Variants in CEP112 observed in about 807,000 individuals in gnomAD.
CEP112 encodes the protein centrosomal protein of 112 kDa.
Under a neutral mutation model 153.0 loss-of-function variants are expected in CEP112, and 127 were observed. The ratio of observed to expected loss-of-function variants is 0.83; its 90% CI spans 0.72 to 0.96. CEP112 has a LOEUF of 0.96. Among genes scored for constraint, CEP112 ranks in the 40% least tolerant of loss-of-function variants. The probability of loss-of-function intolerance (pLI) is 0.00; values close to 1 mark genes in which losing one functional copy is unlikely to be tolerated. For synonymous variants in CEP112, 358 were observed against 374.4 expected, an observed-to-expected ratio of 0.96 and a Z score of 0.51; for missense variants, 1,089 against 1,101.2, an observed-to-expected ratio of 0.99 and a Z score of 0.16.
At chr17:66,090,183 T>C (rs1000578097) in intron 8 of CEP112, among the ~76,000 whole-genome samples, 9 of 152,110 alleles carry the variant, frequency 5.9e-5, no homozygotes, top group African/African-American at 1.9e-4. Flanking sequence ...AATGCTCAAG[T>C]GAAATCTTGA....
At chr17:65,746,165 C>CAAAAAAAAAAAAAAAAAAAAAAAAAAA (rs56361589) in intron 22 of CEP112, among the ~76,000 whole-genome samples, 1 of 49,478 alleles carries the variant, frequency 2.0e-5, no homozygotes, top group African/African-American at 9.0e-5. Flanking sequence ...AACTCCATCT[C>CAAAAAAAAAAAAAAAAAAAAAAAAAAA]AAAAAAAAAA....
chr17:66,069,385 T>A (rs1009946997), intron 9 of CEP112, among the ~76,000 whole-genome samples: 2 of 151,550 alleles, frequency 1.3e-5, no homozygotes, highest in Non-Finnish European at 2.9e-5. Context: ...GAAAAAAAAA[T>A]AAGTTTTATT....
intron 21 of CEP112, among the ~76,000 whole-genome samples, chr17:65,793,291 C>A (rs748714697): frequency 6.6e-6 from 1 of 152,060 alleles, no homozygotes; most frequent in Admixed American, 6.5e-5. Context: ...ATGATGAGAA[C>A]ACATGGACCC....
chr17:66,172,331 G>A (rs965855085), intron 4 of CEP112, among the ~76,000 whole-genome samples: 2 of 152,128 alleles, frequency 1.3e-5, no homozygotes, highest in Non-Finnish European at 2.9e-5. Context: ...AGTACTAAAG[G>A]AGTAAATGGC....
At chr17:66,074,373 C>T (rs1432270919) in intron 8 of CEP112, among the ~76,000 whole-genome samples, 1 of 151,960 alleles carries the variant, frequency 6.6e-6, no homozygotes, top group Non-Finnish European at 1.5e-5. Flanking sequence ...GTCTAATATA[C>T]ATGTAATTGG....
intron 6 of CEP112, among the ~76,000 whole-genome samples, chr17:66,113,814 T>C (rs959452329): frequency 2.6e-5 from 4 of 152,218 alleles, no homozygotes; most frequent in African/African-American, 9.6e-5. Context: ...GAATTATTCA[T>C]GGTAAAGCAT....
chr17:65,851,328 A>G (rs1031958714), intron 21 of CEP112, among the ~76,000 whole-genome samples: 7 of 152,240 alleles, frequency 4.6e-5, no homozygotes, highest in African/African-American at 1.7e-4. Context: ...TACTTCTAAA[A>G]AGACTTTTCT....
At chr17:66,105,037 G>A (rs1321048798) in intron 6 of CEP112, among the ~76,000 whole-genome samples, 1 of 152,096 alleles carries the variant, frequency 6.6e-6, no homozygotes, top group Non-Finnish European at 1.5e-5. Flanking sequence ...ACTCATATCT[G>A]AAGTAGAAAC....
At chr17:66,016,450 A>T (rs138261182) in intron 16 of CEP112, among the ~76,000 whole-genome samples, 40 of 152,238 alleles carry the variant, frequency 2.6e-4, no homozygotes, top group Admixed American at 9.2e-4. Context: ...GCTAAAACCA[A>T]TTCCCAGGAG....
At chr17:66,159,545 C>A (rs948682447) in intron 4 of CEP112, among the ~76,000 whole-genome samples, 5 of 152,188 alleles carry the variant, frequency 3.3e-5, no homozygotes, top group Admixed American at 6.5e-5. Context: ...GCTGGTTCAA[C>A]ATATGCAAAT....
intron 24 of CEP112, chr17:65,655,259 G>A: frequency 9.6e-7 from 1 of 1,044,534 alleles, no homozygotes; most frequent in Non-Finnish European, 1.5e-6. Context: ...GTGATCTATG[G>A]TGCAGACTGC....
At chr17:65,716,776 G>A (rs2049548950) in intron 23 of CEP112, among the ~76,000 whole-genome samples, 2 of 151,974 alleles carry the variant, frequency 1.3e-5, no homozygotes, top group South Asian at 2.1e-4. Context: ...ATGAAAATGA[G>A]AAAAGGAACC....
At chr17:65,902,444 T>C (rs1384085111) in intron 19 of CEP112, 110 bp from the exon 20 acceptor site, 10 of 797,462 alleles carry the variant, frequency 1.3e-5, no homozygotes, top group Non-Finnish European at 1.8e-5. Flanking sequence ...AATTTTTATT[T>C]TTACATCATT....
chr17:65,981,798 C>A (rs574261103), intron 17 of CEP112, among the ~76,000 whole-genome samples: 12 of 152,310 alleles, frequency 7.9e-5, no homozygotes, highest in African/African-American at 2.9e-4. Context: ...TGGTCTCGAA[C>A]TCCTGACCTC....
chr17:65,979,702 G>A (rs185715856), intron 17 of CEP112, among the ~76,000 whole-genome samples: 92 of 152,114 alleles, frequency 6.0e-4, no homozygotes, highest in African/African-American at 2.1e-3. Flanking sequence ...AAAACATAAC[G>A]ATTCCAGTTA....
intron 24 of CEP112, among the ~76,000 whole-genome samples, chr17:65,678,064 C>G (rs1001146929): frequency 2.0e-5 from 3 of 152,122 alleles, no homozygotes; most frequent in Non-Finnish European, 4.4e-5. Context: ...AGTGGCCCCT[C>G]GGAATGTTTG....
intron 17 of CEP112, among the ~76,000 whole-genome samples, chr17:65,995,774 T>C (rs749498287): frequency 6.6e-6 from 1 of 152,186 alleles, no homozygotes; most frequent in Non-Finnish European, 1.5e-5. Flanking sequence ...CCATGTGTTG[T>C]AGGAGGGGCC....
chr17:66,141,995 C>T (rs942036308), intron 4 of CEP112, among the ~76,000 whole-genome samples: 2 of 152,144 alleles, frequency 1.3e-5, no homozygotes, highest in Non-Finnish European at 2.9e-5. Context: ...ATGTTCCTAC[C>T]AACAGTGGAC....
At chr17:65,943,017 A>T (rs1391264329) in intron 18 of CEP112, among the ~76,000 whole-genome samples, 1 of 152,240 alleles carries the variant, frequency 6.6e-6, no homozygotes, top group Non-Finnish European at 1.5e-5. Context: ...ATGTAGCTAG[A>T]CAGATACATA....
Sources: allele counts gnomAD v4.1 joint callset (sites outside exome capture counted in the v4.1 genomes callset), GRCh38; gene constraint gnomAD v4.1.1; transcripts MANE v1.5; gene names NCBI Gene and HGNC (gene_info 2026-07-23, HGNC 2026-07-21).